PLG: variants seen among roughly 807,000 people sequenced by gnomAD.
The protein encoded by PLG is plasminogen, also known as plasmin.
Under a neutral mutation model 104.4 loss-of-function variants are expected in PLG, and 41 were observed. That is an observed-to-expected ratio of 0.39 (90% CI 0.31 to 0.51). The LOEUF is 0.51. Among genes scored for constraint, PLG ranks in the 20% least tolerant of loss-of-function variants. PLG has a pLI of 0.76. For synonymous variants in PLG, 337 were observed against 357.1 expected, an observed-to-expected ratio of 0.94 and a Z score of 0.63; for missense variants, 891 against 1,003.6, an observed-to-expected ratio of 0.89 and a Z score of 1.52.
At chr6:160,742,853 A>G (rs1033058971) in intron 17 of PLG, among the ~76,000 whole-genome samples, 15 of 152,094 alleles carry the variant, frequency 9.9e-5, no homozygotes, top group Admixed American at 2.6e-4. Flanking sequence ...TCCAGTTTCC[A>G]TCTTCTACAT....
At position 160,740,429 on chromosome 6, in the gene PLG, T is replaced by C. The variant is rs939049976; in HGVS notation, c.2019-882T>C. Reference sequence around the variant, plus strand: ...TTTGGGTTTTGGAGGAGTTCTCTGATAGGCTGATACATTTCGAGTTTAGAG... The same window carrying C: ...TTTGGGTTTTGGAGGAGTTCTCTGACAGGCTGATACATTTCGAGTTTAGAG... On this transcript the variant is annotated intron_variant, in intron 16 of 18. Coordinates refer to ENST00000308192, the MANE Select transcript of PLG (RefSeq NM_000301.5). This position sits in a 1 kb window ranked among gnomAD's most constrained non-coding sequence, Gnocchi z 5.2. Among the ~76,000 whole-genome samples, 1 of 152,160 alleles carries C rather than the reference T, an allele frequency of 6.6e-6. No homozygotes were observed. The highest frequency in any genetic ancestry group is 2.1e-4 in the South Asian group (1 of 4,818).
rs1777794039 is a variant in PLG at position 160,719,311 on chromosome 6, C to T, written c.1096+473C>T. Among the ~76,000 whole-genome samples the T allele has an allele frequency of 6.6e-6, 1 of 152,138 alleles. No homozygotes were observed. The highest frequency in any genetic ancestry group is 1.5e-5 in the Non-Finnish European group (1 of 68,026). ...TGGTTATGTCTTCTAGATGAAAGGA[C>T]CCCTTTATCTTTATGTAATGTTTCT... On this transcript the variant is annotated intron_variant, in intron 9 of 18. Transcript: ENST00000308192. This position sits in a 1 kb window ranked among gnomAD's most constrained non-coding sequence, Gnocchi z 4.1.
intron 17 of PLG, among the ~76,000 whole-genome samples, chr6:160,746,198 A>T (rs554384485): frequency 6.6e-5 from 10 of 152,330 alleles, no homozygotes; most frequent in African/African-American, 2.4e-4. Flanking sequence ...AGAAGTTTTC[A>T]TGGACAATAT....
At chr6:160,713,637 G>A (rs1777682487) in intron 5 of PLG, among the ~76,000 whole-genome samples, 1 of 152,088 alleles carries the variant, frequency 6.6e-6, no homozygotes, top group Non-Finnish European at 1.5e-5. Flanking sequence ...TAAACTCTAA[G>A]TACAAACTTC....
At chr6:160,721,818 T>C (rs1165506057) in intron 9 of PLG, among the ~76,000 whole-genome samples, 3 of 151,984 alleles carry the variant, frequency 2.0e-5, no homozygotes, top group Non-Finnish European at 2.9e-5. Context: ...AAAGAAAGAG[T>C]AGTAGGCTTC....
chr6:160,739,122 T>A lies in PLG; in HGVS notation c.1932T>A (p.Asn644Lys). 1 of 1,614,128 alleles carries A rather than the reference T, an allele frequency of 6.2e-7. No individual in the cohort carries two copies. The highest frequency in any genetic ancestry group is 8.5e-7 in the Non-Finnish European group (1 of 1,180,004). ...TCCTGGGTGCACACCAAGAAGTGAATCTCGAACCGCATGTTCAGGAAATAG... is the reference window on the plus strand; with the variant it reads ...TCCTGGGTGCACACCAAGAAGTGAAACTCGAACCGCATGTTCAGGAAATAG... ...KVILGAHQEVNLEPHVQEIEV... is the reference protein window; with the variant it reads ...KVILGAHQEVKLEPHVQEIEV... The change falls in exon 16 of 19, where the codon AAT becomes AAA. Residue 644 changes from asparagine (N) to lysine (K), a missense_variant. Asn to Lys is a moderately conservative substitution (Grantham distance 94, BLOSUM62 0). Coordinates refer to ENST00000308192, the MANE Select transcript of PLG (RefSeq NM_000301.5). This position sits in a 1 kb window ranked among gnomAD's most constrained non-coding sequence, Gnocchi z 4.4.
Position 160,731,027 on chromosome 6 carries a change from C to T in PLG, c.1257-24C>T. On this transcript the variant is annotated intron_variant, in intron 10 of 18. Coordinates refer to ENST00000308192, the MANE Select transcript of PLG (RefSeq NM_000301.5). This position sits in a 1 kb window ranked among gnomAD's most constrained non-coding sequence, Gnocchi z 5.1. ...CTGAATATTCTCCCACCTCTTGTGA[C>T]CTGTATTGTTTTGGAATTTCCAGTG... 5 of 1,611,454 alleles carry T rather than the reference C, an allele frequency of 3.1e-6. No individual in the cohort carries two copies. The South Asian group carries it at 5.5e-5, about 18-fold the overall frequency.
chr6:160,713,953 G>T (rs1380129589), intron 5 of PLG, among the ~76,000 whole-genome samples: 3 of 152,136 alleles, frequency 2.0e-5, no homozygotes, highest in African/African-American at 7.2e-5. Flanking sequence ...ATAAATAAAG[G>T]TGAGATTTGT....
At position 160,739,133 on chromosome 6, in the gene PLG, A is replaced by T. The variant is rs1390346255; in HGVS notation, c.1943A>T (p.His648Leu). Residue 648 changes from histidine (H) to leucine (L), a missense_variant, in exon 16 of 19, where the codon CAT becomes CTT. This residue lies in a region of PLG where 854 missense variants were observed against 932.1 expected (regional missense o/e 0.92). Transcript: ENST00000308192. This position sits in a 1 kb window ranked among gnomAD's most constrained non-coding sequence, Gnocchi z 4.4. ...GAHQEVNLEPHVQEIEVSRLF... is the reference protein window; with the variant it reads ...GAHQEVNLEPLVQEIEVSRLF... Reference sequence around the variant, plus strand: ...CACCAAGAAGTGAATCTCGAACCGCATGTTCAGGAAATAGAAGTGTCTAGG... The same window carrying T: ...CACCAAGAAGTGAATCTCGAACCGCTTGTTCAGGAAATAGAAGTGTCTAGG... 3 of 1,614,128 alleles carry T rather than the reference A, an allele frequency of 1.9e-6. No homozygotes were observed. Among genetic ancestry groups the T allele is most frequent in the East Asian group, 2.2e-5 (1 of 44,886 alleles).
chr6:160,722,045 C>T (rs1777839555), intron 9 of PLG, among the ~76,000 whole-genome samples: 2 of 152,100 alleles, frequency 1.3e-5, no homozygotes, highest in Admixed American at 1.3e-4. Flanking sequence ...CATGTCTGCC[C>T]CCCACTGACA....
At chr6:160,717,397 T>C (rs1003979009) in intron 7 of PLG, among the ~76,000 whole-genome samples, 3 of 152,240 alleles carry the variant, frequency 2.0e-5, no homozygotes, top group Non-Finnish European at 1.5e-5. Context: ...TCCTTTCCTC[T>C]GACATGTGTC....
rs1777994208 is a variant in PLG, at chr6:160,731,201, GC to G, written c.1408del (p.Leu470PhefsTer4). On this transcript the variant is annotated frameshift_variant, in exon 11 of 19. Coordinates refer to ENST00000308192, the MANE Select transcript of PLG (RefSeq NM_000301.5). LOFTEE classifies it high-confidence loss of function. This position sits in a 1 kb window ranked among gnomAD's most constrained non-coding sequence, Gnocchi z 5.1. ...TTGTAGCACCTCCGCCTGTTGTCCTGCTTCCAGATGTAGAGACTCCTTCCGA... is the reference window on the plus strand; with the variant it reads ...TTGTAGCACCTCCGCCTGTTGTCCTGTTCCAGATGTAGAGACTCCTTCCGA... ...SVVAPPPVVL[L>X]PDVETPSEED... is the part of the protein sequence containing the mutation. The G allele has an allele frequency of 6.2e-7, 1 of 1,614,114 alleles. No homozygotes were observed. Among genetic ancestry groups the G allele is most frequent in the East Asian group, 2.2e-5 (1 of 44,880 alleles).
chr6:160,729,386 A>G (rs1394797242), intron 10 of PLG, among the ~76,000 whole-genome samples: 1 of 152,154 alleles, frequency 6.6e-6, no homozygotes, highest in Non-Finnish European at 1.5e-5. Context: ...CTGAATATTT[A>G]CCCCATGGAA....
chr6:160,748,020 T>C (rs1778305641), intron 17 of PLG, among the ~76,000 whole-genome samples: 1 of 152,138 alleles, frequency 6.6e-6, no homozygotes, highest in South Asian at 2.1e-4. Flanking sequence ...AGTCATAAAC[T>C]CTCTGGCTGG....
intron 4 of PLG, chr6:160,711,757 G>C: frequency 6.2e-7 from 1 of 1,600,546 alleles, no homozygotes; most frequent in East Asian, 2.2e-5. Flanking sequence ...TCTGAGAAAA[G>C]ATCAAAGATG....
In PLG at chr6:160,736,626, G is replaced by A. The variant is rs543950233; in HGVS notation, c.1682-261G>A. Among the ~76,000 whole-genome samples the A allele has an allele frequency of 6.6e-6, 1 of 152,236 alleles. No individual in the cohort carries two copies. Among genetic ancestry groups the A allele is most frequent in the African/African-American group, 2.4e-5 (1 of 41,522 alleles). ...GTTTTCTCAGAAAATATCTCATTCTGATGCTAAACTATACCAGTCTGTTTG... is the reference window on the plus strand; with the variant it reads ...GTTTTCTCAGAAAATATCTCATTCTAATGCTAAACTATACCAGTCTGTTTG... On this transcript the variant is annotated intron_variant, in intron 13 of 18. Transcript: ENST00000308192. The surrounding 1 kb of genome is among the most constrained non-coding windows in gnomAD (Gnocchi z 5.2).
intron 5 of PLG, among the ~76,000 whole-genome samples, chr6:160,713,978 A>G (rs1181358547): frequency 6.6e-6 from 1 of 152,214 alleles, no homozygotes; most frequent in East Asian, 1.9e-4. Flanking sequence ...CAGTGTGGAT[A>G]TGGTACTGTG....
Position 160,752,107 on chromosome 6 carries a change from A to T in PLG, c.2126-8A>T, listed in dbSNP as rs780471506. The T allele has an allele frequency of 3.1e-6, 5 of 1,612,722 alleles. No individual in the cohort carries two copies. In the South Asian group the frequency reaches 5.5e-5, roughly 18 times the overall value. ...CAGTTGCCATTTCTTTCATCTTTTT[A>T]AACACAGGTACTTTTGGAGCTGGCC... On this transcript the variant is annotated splice_polypyrimidine_tract_variant and splice_region_variant and intron_variant, in intron 17 of 18. Coordinates refer to ENST00000308192, the MANE Select transcript of PLG (RefSeq NM_000301.5). This position sits in a 1 kb window ranked among gnomAD's most constrained non-coding sequence, Gnocchi z 4.7.
intron 6 of PLG, among the ~76,000 whole-genome samples, chr6:160,715,549 G>A (rs74966365): frequency 0.018 from 2,783 of 152,236 alleles, 86 homozygotes; most frequent in African/African-American, 0.064. Flanking sequence ...ATAAGGTTTC[G>A]TGAGTATTCT....
Sources: allele counts gnomAD v4.1 joint callset (sites outside exome capture counted in the v4.1 genomes callset), GRCh38; gene constraint gnomAD v4.1.1; regional missense constraint gnomAD v4.1.1; non-coding constraint Gnocchi (gnomAD v3.1); transcripts MANE v1.5; gene names NCBI Gene and HGNC (gene_info 2026-07-23, HGNC 2026-07-21).